The following MYSM1 variants were observed in gnomAD, a reference collection of about 807,000 sequenced individuals.
The protein encoded by MYSM1 is Myb like, SWIRM and MPN domains 1.
A neutral mutation model predicts 116.0 loss-of-function variants in MYSM1; 51 were observed. The observed-to-expected ratio is 0.44, with a 90% CI of 0.35 to 0.56. The LOEUF (loss-of-function observed/expected upper bound fraction) is 0.56. Ranked by LOEUF, MYSM1 falls within the 20% of genes least tolerant of loss-of-function variation. The pLI is 0.00. For missense variants in MYSM1, 900 were observed against 974.9 expected, an observed-to-expected ratio of 0.92 and a Z score of 1.02; for synonymous variants, 313 against 315.2, an observed-to-expected ratio of 0.99 and a Z score of 0.07.
chr1:58,664,552 A>C (rs1644440043), intron 17 of MYSM1, among the ~76,000 whole-genome samples: 1 of 152,260 alleles, frequency 6.6e-6, no homozygotes, highest in South Asian at 2.1e-4. Context: ...TGTTGCAGAT[A>C]CATAAAGAAT....
chr1:58,669,996 A>T (rs1162287663), intron 12 of MYSM1, among the ~76,000 whole-genome samples: 1 of 152,160 alleles, frequency 6.6e-6, no homozygotes, highest in Non-Finnish European at 1.5e-5. Flanking sequence ...AAGGTTTTTT[A>T]GGCTATCTTC....
intron 1 of MYSM1, among the ~76,000 whole-genome samples, chr1:58,695,729 T>C (rs1644964681): frequency 6.6e-6 from 1 of 151,700 alleles, no homozygotes; most frequent in Admixed American, 6.6e-5. Flanking sequence ...AGTGAATAGA[T>C]AAGAAAAATG....
At position 58,682,014 on chromosome 1, in the gene MYSM1, A is replaced by G; in HGVS notation, c.1030T>C (p.Cys344Arg). The G allele has an allele frequency of 6.2e-7, 1 of 1,614,160 alleles. No individual in the cohort carries two copies. Among genetic ancestry groups the G allele is most frequent in the Middle Eastern group, 1.6e-4 (1 of 6,062 alleles). Residue 344 changes from cysteine (C) to arginine (R), a missense_variant, in exon 8 of 20, where the codon TGT becomes CGT. Physicochemically the swap from Cys to Arg is radical, Grantham distance 180. Transcript: ENST00000472487. ...TCATTCAAATTTTTCTGAATTTCAC[A>G]AGGCTCTGGAGAAGGCAACTGCCTG... ...DARQLPSPEPCEIQKNLNDNE... is the reference protein window; with the variant it reads ...DARQLPSPEPREIQKNLNDNE...
chr1:58,695,660 G>GA (rs34226722), intron 1 of MYSM1, among the ~76,000 whole-genome samples: 49,660 of 137,784 alleles, frequency 0.36, 8,875 homozygotes, highest in Non-Finnish European at 0.43. Flanking sequence ...TAAAATGAAA[G>GA]AAAAAAAAAA....
At chr1:58,674,510 C>T (rs111757558) in intron 10 of MYSM1, among the ~76,000 whole-genome samples, 1 of 152,082 alleles carries the variant, frequency 6.6e-6, no homozygotes, top group African/African-American at 2.4e-5. Context: ...TGGTTTATAG[C>T]CTAAATACTC....
At chr1:58,666,746 C>T (rs539704312) in intron 16 of MYSM1, among the ~76,000 whole-genome samples, 26 of 151,226 alleles carry the variant, frequency 1.7e-4, no homozygotes, top group African/African-American at 6.3e-4. Flanking sequence ...TGGTGGTGCA[C>T]GCCTGTAATC....
intron 6 of MYSM1, 24 bp from the exon 7 acceptor site, chr1:58,685,275 A>C: frequency 6.4e-7 from 1 of 1,563,714 alleles, no homozygotes; most frequent in Non-Finnish European, 8.7e-7. Context: ...ATGGGAAAAA[A>C]AATTGCTTTT....
At chr1:58,666,434 A>G (rs796668010) in intron 16 of MYSM1, among the ~76,000 whole-genome samples, 2 of 152,086 alleles carry the variant, frequency 1.3e-5, no homozygotes, top group South Asian at 4.1e-4. Context: ...CTCTGGGAGT[A>G]TTTACCAGTG....
intron 16 of MYSM1, 22 bp downstream of exon 16, chr1:58,667,016 A>G: frequency 6.6e-7 from 1 of 1,503,812 alleles, no homozygotes; most frequent in Admixed American, 1.8e-5. Context: ...CCATTTACAG[A>G]ATATAAATAT....
chr1:58,659,805 T>G lies in MYSM1; in HGVS notation c.*192A>C. Reference sequence around the variant, plus strand: ...TGGTGGACCCTGGTTTGCAGAACACTCTGATAATCACTATATGAAAACAAA... The same window carrying G: ...TGGTGGACCCTGGTTTGCAGAACACGCTGATAATCACTATATGAAAACAAA... On this transcript the variant is annotated 3_prime_UTR_variant, in exon 20 of 20. Transcript: ENST00000472487. The G allele has an allele frequency of 4.6e-6, 2 of 438,028 alleles. No individual in the cohort carries two copies. The highest frequency in any genetic ancestry group is 8.1e-6 in the Non-Finnish European group (2 of 246,676). The allele number at this position is 438,028 out of a possible 1,614,324, so 27.1% of individuals were successfully genotyped here.
chr1:58,680,026 CA>C (rs6143231), intron 8 of MYSM1, among the ~76,000 whole-genome samples: 17,347 of 120,278 alleles, frequency 0.14, 422 homozygotes, highest in Middle Eastern at 0.2. Flanking sequence ...GACTCTGTCT[CA>C]AAAAAAAAAA....
intron 17 of MYSM1, among the ~76,000 whole-genome samples, chr1:58,662,903 T>C (rs191630780): frequency 2.6e-5 from 4 of 152,240 alleles, no homozygotes; most frequent in African/African-American, 7.2e-5. Context: ...ATAACAGTCA[T>C]TTACTTGACA....
chr1:58,692,559 C>G (rs904956285), intron 3 of MYSM1: 3 of 209,792 alleles, frequency 1.4e-5, no homozygotes, highest in Non-Finnish European at 2.8e-5. Context: ...AAAATGCAAG[C>G]TTGGACTTAA....
At chr1:58,696,136 C>T (rs902824175) in intron 1 of MYSM1, among the ~76,000 whole-genome samples, 1 of 152,116 alleles carries the variant, frequency 6.6e-6, no homozygotes, top group Admixed American at 6.6e-5. Flanking sequence ...TAGATTTAAT[C>T]TTAAATGTCA....
In MYSM1 at chr1:58,656,794, A is replaced by G. The variant is rs947155924; in HGVS notation, c.*3203T>C. ...AACTTATCCATTAGGCACAGTACCTAAGGCCCACAGTTTTTTAGAAGCCCA... is the reference window on the plus strand; with the variant it reads ...AACTTATCCATTAGGCACAGTACCTGAGGCCCACAGTTTTTTAGAAGCCCA... On this transcript the variant is annotated 3_prime_UTR_variant, in exon 20 of 20. Transcript: ENST00000472487. The G allele has an allele frequency of 2.0e-5, 3 of 152,236 alleles. No individual in the cohort carries two copies. Among genetic ancestry groups the G allele is most frequent in the Admixed American group, 6.5e-5 (1 of 15,278 alleles). The allele number at this position is 152,236 out of a possible 1,614,324, so 9.4% of individuals were successfully genotyped here. A position where few individuals can be genotyped will look rare whatever the true frequency, so the allele number is the denominator to read the frequency against.
intron 14 of MYSM1, 110 bp from the exon 15 acceptor site, chr1:58,668,031 T>C: frequency 2.5e-6 from 2 of 809,418 alleles, no homozygotes; most frequent in South Asian, 1.4e-5. Flanking sequence ...ATCATGCTTT[T>C]ATAAAATAAA....
At chr1:58,698,102 A>ATATATTTTTTTTTTTTTTTT in intron 1 of MYSM1, among the ~76,000 whole-genome samples, 9 of 7,776 alleles carry the variant, frequency 1.2e-3, no homozygotes, top group Non-Finnish European at 2.9e-3. Context: ...ATATATATAT[A>ATATATTTTTTTTTTTTTTTT]TTTTTTTTTT....
At chr1:58,693,604 T>C (rs1016006856) in intron 2 of MYSM1, among the ~76,000 whole-genome samples, 4 of 152,184 alleles carry the variant, frequency 2.6e-5, no homozygotes, top group African/African-American at 7.2e-5. Flanking sequence ...TTGATGCCCA[T>C]ATCCAATCTA....
chr1:58,678,788 A>G (rs1644693596), intron 8 of MYSM1, among the ~76,000 whole-genome samples: 1 of 152,232 alleles, frequency 6.6e-6, no homozygotes, highest in Admixed American at 6.5e-5. Context: ...GAGACAAGAA[A>G]GCAACACTTG....
Sources: gnomAD v4.1 joint callset for allele counts (sites outside exome capture counted in the v4.1 genomes callset) on GRCh38, gnomAD v4.1.1 for gene constraint, MANE v1.5 for transcripts, NCBI Gene and HGNC (gene_info 2026-07-23, HGNC 2026-07-21) for gene names.